DCHS2: variants seen among roughly 807,000 people sequenced by gnomAD.
DCHS2 encodes the protein protocadherin-23.
In DCHS2, 142 loss-of-function variants were observed where a neutral mutation model predicts 182.4. That is an observed-to-expected ratio of 0.78 (90% confidence interval 0.68 to 0.89). DCHS2 has a LOEUF of 0.89. Among genes scored for constraint, DCHS2 ranks in the 40% least tolerant of loss-of-function variants. DCHS2 has a pLI of 0.00. For missense variants in DCHS2, 4,319 were observed against 4,198.6 expected (o/e 1.03, Z -0.79); for synonymous variants, 1,740 against 1,663.3 (o/e 1.05, Z -1.12).
chr4:154,398,461 A>G (rs1410011892), intron 1 of DCHS2, among the ~76,000 whole-genome samples: 1 of 152,156 alleles, frequency 6.6e-6, no homozygotes, highest in East Asian at 1.9e-4. Context: ...CCTGTCTTTA[A>G]AGAACACAGC....
At chr4:154,397,079 A>C (rs1221541984) in intron 1 of DCHS2, among the ~76,000 whole-genome samples, 1 of 152,242 alleles carries the variant, frequency 6.6e-6, no homozygotes, top group African/African-American at 2.4e-5. Flanking sequence ...GTTCATGTGG[A>C]GTGCAGGAAG....
rs11356559 is a variant in DCHS2, at chr4:154,441,568, T to A, written c.2052+47736A>T. ...CATAAATAAAAGTTTTTCAGAAAAG[T>A]TTTTTCCTATTTTCATTGTGAAAAC... is the stretch of plus-strand genomic sequence containing the variant. On this transcript the variant is annotated intron_variant, in intron 1 of 19. Coordinates refer to ENST00000357232, the MANE Select transcript of DCHS2 (RefSeq NM_001358235.2). Among the ~76,000 whole-genome samples, 9 of 45,322 alleles carry A rather than the reference T, an allele frequency of 2.0e-4. No homozygotes were observed. In the East Asian group the frequency reaches 2.3e-3, roughly 11 times the overall value. 29.7% of individuals were successfully genotyped at this position (45,322 alleles called of 152,430 possible).
At chr4:154,337,876 G>T (rs533603239) in intron 3 of DCHS2, among the ~76,000 whole-genome samples, 1 of 152,080 alleles carries the variant, frequency 6.6e-6, no homozygotes, top group Non-Finnish European at 1.5e-5. Context: ...GAGTAGCTGG[G>T]ATTACAGGCA....
intron 1 of DCHS2, among the ~76,000 whole-genome samples, chr4:154,410,592 A>AC: frequency 6.7e-6 from 1 of 149,160 alleles, no homozygotes; most frequent in East Asian, 1.9e-4. Flanking sequence ...AAAAAAAAAA[A>AC]AAAAAAAAAT....
intron 1 of DCHS2, among the ~76,000 whole-genome samples, chr4:154,393,949 G>C (rs1731820095): frequency 6.6e-6 from 1 of 152,108 alleles, no homozygotes. Flanking sequence ...CTCAGTCTCA[G>C]ACACATCCAT....
Position 154,491,682 on chromosome 4 carries a change from G to T in DCHS2, c.-327C>A. ...CATCTGTTCCTTGTTCTACTCGGCT[G>T]GTTGTTCCCCCCTGGTAAAGTCAGG... is the stretch of plus-strand genomic sequence containing the variant. On this transcript the variant is annotated 5_prime_UTR_variant, in exon 1 of 20. Transcript: ENST00000357232. The T allele has an allele frequency of 8.6e-7, 1 of 1,159,918 alleles. No individual in the cohort carries two copies. Among genetic ancestry groups the T allele is most frequent in the Admixed American group, 4.5e-5 (1 of 21,986 alleles). The allele number at this position is 1,159,918 out of a possible 1,614,324, so 71.9% of individuals were successfully genotyped here.
intron 2 of DCHS2, among the ~76,000 whole-genome samples, chr4:154,375,095 T>A (rs1335771550): frequency 1.3e-5 from 2 of 151,920 alleles, no homozygotes; most frequent in Admixed American, 6.6e-5. Flanking sequence ...GATAAATAGG[T>A]AAAAGTGAGA....
chr4:154,316,433 CTT>C (rs1313482040), intron 9 of DCHS2, among the ~76,000 whole-genome samples: 2 of 152,240 alleles, frequency 1.3e-5, no homozygotes, highest in Non-Finnish European at 2.9e-5. Context: ...ATTATGCTCT[CTT>C]AATATTTATT....
At chr4:154,457,604 C>T (rs561092795) in intron 1 of DCHS2, among the ~76,000 whole-genome samples, 7 of 152,190 alleles carry the variant, frequency 4.6e-5, no homozygotes, top group African/African-American at 1.4e-4. Flanking sequence ...ATCCAACAAC[C>T]AGCAGCAGTA....
chr4:154,291,813 G>A (rs191055211), intron 13 of DCHS2, among the ~76,000 whole-genome samples: 3 of 152,044 alleles, frequency 2.0e-5, no homozygotes, highest in East Asian at 3.9e-4. Flanking sequence ...GGTAGTGGGA[G>A]GTTAGAGGGG....
At chr4:154,463,174 T>TATAC (rs141050042) in intron 1 of DCHS2, among the ~76,000 whole-genome samples, 21,791 of 148,010 alleles carry the variant, frequency 0.15, 1,749 homozygotes, top group Middle Eastern at 0.21. Context: ...TATATATATA[T>TATAC]ACACACACAC....
At chr4:154,475,958 G>A (rs888031657) in intron 1 of DCHS2, among the ~76,000 whole-genome samples, 5 of 152,120 alleles carry the variant, frequency 3.3e-5, no homozygotes, top group Non-Finnish European at 7.4e-5. Flanking sequence ...GTCTCACTGA[G>A]CACATAACTA....
At chr4:154,433,320 C>T (rs558291546) in intron 1 of DCHS2, among the ~76,000 whole-genome samples, 1 of 151,796 alleles carries the variant, frequency 6.6e-6, no homozygotes, top group Non-Finnish European at 1.5e-5. Flanking sequence ...GGACCATGGC[C>T]CTGCCAAGTA....
chr4:154,309,289 T>G (rs976547996), intron 10 of DCHS2, among the ~76,000 whole-genome samples: 1 of 152,160 alleles, frequency 6.6e-6, no homozygotes, highest in African/African-American at 2.4e-5. Context: ...CATTCCCCAT[T>G]GCCAACTACC....
chr4:154,366,186 G>A, intron 3 of DCHS2, 24 bp downstream of exon 3: 2 of 1,586,998 alleles, frequency 1.3e-6, no homozygotes, highest in Non-Finnish European at 1.7e-6. Flanking sequence ...GCCAAAGGAT[G>A]AAAACTGTTC....
chr4:154,320,864 T>C lies in DCHS2; in HGVS notation c.4535A>G (p.Asp1512Gly). ...DQNDHSPSFQ[D>G]ELIVISVEEN... is the part of the protein sequence containing the mutation. ...CTCTACACTGATCACAATGAGCTCATCCTGGAAAGATGGGGAATGGTCATT... is the reference window on the plus strand; with the variant it reads ...CTCTACACTGATCACAATGAGCTCACCCTGGAAAGATGGGGAATGGTCATT... Residue 1512 changes from aspartate to glycine, a missense_variant, in exon 9 of 20, where the codon GAT becomes GGT. Coordinates refer to ENST00000357232, the MANE Select transcript of DCHS2 (RefSeq NM_001358235.2). 6.2e-7 allele frequency: 1 copy of C among 1,614,016 alleles called. No individual in the cohort carries two copies. The highest frequency in any genetic ancestry group is 8.5e-7 in the Non-Finnish European group (1 of 1,179,970).
At chr4:154,286,750 G>A (rs937155986) in intron 13 of DCHS2, among the ~76,000 whole-genome samples, 1 of 152,076 alleles carries the variant, frequency 6.6e-6, no homozygotes, top group Non-Finnish European at 1.5e-5. Flanking sequence ...AGAATTATTG[G>A]CCTTAAAGGG....
chr4:154,390,451 A>G (rs1483325167), intron 1 of DCHS2, among the ~76,000 whole-genome samples: 1 of 151,834 alleles, frequency 6.6e-6, no homozygotes, highest in African/African-American at 2.4e-5. Flanking sequence ...ACTGTAAGTA[A>G]CTGGCTGACT....
intron 3 of DCHS2, chr4:154,357,292 C>T (rs768385688): frequency 6.2e-7 from 1 of 1,613,314 alleles, no homozygotes; most frequent in Non-Finnish European, 8.5e-7. Flanking sequence ...AAGTTGACAG[C>T]ACTCAGAATT....
Sources: gnomAD v4.1 joint callset for allele counts (sites outside exome capture counted in the v4.1 genomes callset) on GRCh38, gnomAD v4.1.1 for gene constraint, MANE v1.5 for transcripts, NCBI Gene and HGNC (gene_info 2026-07-23, HGNC 2026-07-21) for gene names.